The following RALGPS1 variants were observed in gnomAD, a reference collection of about 807,000 sequenced individuals.
RALGPS1 encodes Ral GEF with PH domain and SH3 binding motif 1, also known as ras-specific guanine nucleotide-releasing factor RalGPS1.
A neutral mutation model predicts 78.8 loss-of-function variants in RALGPS1; 19 were observed. That is an observed-to-expected ratio of 0.24 (90% CI 0.17 to 0.35). The LOEUF is 0.35. Ranked by LOEUF, RALGPS1 falls within the 10% of genes least tolerant of loss-of-function variation. The pLI is 1.00. For missense variants in RALGPS1, 454 were observed against 688.3 expected, an observed-to-expected ratio of 0.66 and a Z score of 3.81; for synonymous variants, 228 against 256.3, an observed-to-expected ratio of 0.89 and a Z score of 1.06.
At chr9:127,029,262 C>T (rs62580809) in intron 4 of RALGPS1, among the ~76,000 whole-genome samples, 4,135 of 152,242 alleles carry the variant, frequency 0.027, 50 homozygotes, top group Middle Eastern at 0.044. Flanking sequence ...TGCCTTACTC[C>T]CCAGTCAGAC....
intron 4 of RALGPS1, among the ~76,000 whole-genome samples, chr9:127,014,142 G>T (rs571814152): frequency 1.3e-5 from 2 of 152,164 alleles, no homozygotes; most frequent in African/African-American, 4.8e-5. Flanking sequence ...AGAGCAGCCC[G>T]GGCCTGAGGT....
At chr9:127,207,552 C>T (rs1169684675) in intron 14 of RALGPS1, among the ~76,000 whole-genome samples, 1 of 152,184 alleles carries the variant, frequency 6.6e-6, no homozygotes, top group Non-Finnish European at 1.5e-5. Flanking sequence ...CCTCTGATAC[C>T]ACCACCCAAT....
chr9:126,938,932 C>T (rs1166735450), intron 1 of RALGPS1, among the ~76,000 whole-genome samples: 1 of 152,158 alleles, frequency 6.6e-6, no homozygotes, highest in East Asian at 1.9e-4. Flanking sequence ...AACTAGCCCC[C>T]GTTTTTGCTG....
chr9:127,026,072 A>G (rs1216576556), intron 4 of RALGPS1, among the ~76,000 whole-genome samples: 1 of 152,204 alleles, frequency 6.6e-6, no homozygotes, highest in Non-Finnish European at 1.5e-5. Flanking sequence ...TATATACAAA[A>G]GGGAGTTTAT....
chr9:127,113,141 G>A (rs990356958), intron 8 of RALGPS1, among the ~76,000 whole-genome samples: 4 of 152,164 alleles, frequency 2.6e-5, no homozygotes, highest in African/African-American at 9.7e-5. Flanking sequence ...TGTGCTGGGC[G>A]CCTGACATAC....
intron 8 of RALGPS1, among the ~76,000 whole-genome samples, chr9:127,070,326 T>A (rs2050084749): frequency 6.6e-6 from 1 of 152,242 alleles, no homozygotes. Flanking sequence ...AACCCCTGAT[T>A]TAAGGTATTT....
At position 126,924,619 on chromosome 9, in the gene RALGPS1, C is replaced by T. The variant is rs2130916652; in HGVS notation, c.-66+9644C>T. 2.0e-5 allele frequency among the ~76,000 whole-genome samples: 3 copies of T among 152,306 alleles called. 1 individual carries two copies. In the South Asian group the frequency reaches 6.2e-4, roughly 32 times the overall value. On this transcript the variant is annotated intron_variant, in intron 1 of 18. Coordinates refer to ENST00000259351, the MANE Select transcript of RALGPS1 (RefSeq NM_014636.3). ...AGTAGGAAAGCCCCAGTTTTAATAT[C>T]TGAGATTGTGTTATGAGGCTTAAGT...
chr9:127,004,420 A>G (rs2043641785), intron 4 of RALGPS1, among the ~76,000 whole-genome samples: 1 of 152,264 alleles, frequency 6.6e-6, no homozygotes, highest in Non-Finnish European at 1.5e-5. Context: ...TGTTGGGATT[A>G]TAGGCATGAG....
intron 8 of RALGPS1, among the ~76,000 whole-genome samples, chr9:127,129,807 C>G (rs1340923065): frequency 1.3e-5 from 2 of 152,252 alleles, no homozygotes; most frequent in Non-Finnish European, 2.9e-5. Flanking sequence ...CGCCTTCTCT[C>G]TTCCCTCCCT....
chr9:127,149,121 T>A (rs1284130042), intron 8 of RALGPS1, among the ~76,000 whole-genome samples: 3 of 152,196 alleles, frequency 2.0e-5, no homozygotes. Context: ...CACAAGTCAA[T>A]GGCAGCATCC....
At position 127,221,368 on chromosome 9, in the gene RALGPS1, T is replaced by C. The variant is rs2062769494; in HGVS notation, c.*2599T>C. 6.6e-6 allele frequency: 1 copy of C among 152,242 alleles called. No homozygotes were observed. 9.4% of individuals were successfully genotyped at this position (152,242 alleles called of 1,614,324 possible). On this transcript the variant is annotated 3_prime_UTR_variant, in exon 19 of 19. Transcript: ENST00000259351. The stretch of plus-strand genomic sequence containing the variant: ...TTATTTCTTGCATGCATATGCTGAA[T>C]TTTTTTAAGCAAATGGATCATGGCA...
chr9:127,212,191 G>A lies in RALGPS1; in HGVS notation c.1308G>A (p.Gly436=). The change falls in exon 15 of 19, where the codon GGG becomes GGA. Residue 436 remains glycine, a synonymous_variant. Transcript: ENST00000259351. The surrounding 1 kb of genome is among the most constrained non-coding windows in gnomAD (Gnocchi z 6.0). ...CCGCAGCTGTGCCCACCATGGAGGGGCCTCTGAGAAGAAAAACCCTGCTCA... is the reference window on the plus strand; with the variant it reads ...CCGCAGCTGTGCCCACCATGGAGGGACCTCTGAGAAGAAAAACCCTGCTCA... The part of the protein sequence containing the change: ...GNSAAVPTME[G]PLRRKTLLKE... 1 of 1,613,926 alleles carries A rather than the reference G, an allele frequency of 6.2e-7. No individual in the cohort carries two copies. Among genetic ancestry groups the A allele is most frequent in the African/African-American group, 1.3e-5 (1 of 75,042 alleles).
Position 127,221,682 on chromosome 9 carries a change from A to G in RALGPS1, c.*2913A>G, listed in dbSNP as rs529301737. On this transcript the variant is annotated 3_prime_UTR_variant, in exon 19 of 19. Transcript: ENST00000259351. ...TGGAACCTGAGGAAGTAGATACTTG[A>G]AGAGATTCTGTTTAGGAAGAAACTC... 5.9e-5 allele frequency: 9 copies of G among 152,348 alleles called. No homozygotes were observed. The highest frequency in any genetic ancestry group is 5.9e-5 in the Non-Finnish European group (4 of 68,038). The allele number at this position is 152,348 out of a possible 1,614,324, so 9.4% of individuals were successfully genotyped here.
chr9:127,186,228 C>T (rs2060633762), intron 11 of RALGPS1, among the ~76,000 whole-genome samples: 2 of 152,134 alleles, frequency 1.3e-5, no homozygotes, highest in South Asian at 4.1e-4. Context: ...TCATATGTTC[C>T]AATAAAACTG....
intron 8 of RALGPS1, among the ~76,000 whole-genome samples, chr9:127,114,667 G>T (rs1008912830): frequency 6.6e-6 from 1 of 152,256 alleles, no homozygotes; most frequent in Non-Finnish European, 1.5e-5. Flanking sequence ...CCATTGGTCT[G>T]TGATCACAGA....
intron 11 of RALGPS1, 114 bp from the exon 12 acceptor site, chr9:127,194,977 G>C: frequency 7.8e-7 from 1 of 1,289,174 alleles, no homozygotes; most frequent in Non-Finnish European, 1.1e-6. Flanking sequence ...GTGACAGCTG[G>C]GCCAGTTGCT....
chr9:127,061,044 G>C (rs1035073541), intron 7 of RALGPS1, among the ~76,000 whole-genome samples: 3 of 152,202 alleles, frequency 2.0e-5, no homozygotes, highest in African/African-American at 4.8e-5. Context: ...GTCTGTCCTC[G>C]TGAGTGTTTC....
intron 8 of RALGPS1, among the ~76,000 whole-genome samples, chr9:127,133,933 G>T (rs371583517): frequency 6.6e-6 from 1 of 151,894 alleles, no homozygotes; most frequent in African/African-American, 2.4e-5. Flanking sequence ...GCCCTGCCTG[G>T]TCCCCTGCCC....
chr9:127,143,752 C>T (rs1390167190), intron 8 of RALGPS1, among the ~76,000 whole-genome samples: 1 of 152,150 alleles, frequency 6.6e-6, no homozygotes, highest in Non-Finnish European at 1.5e-5. Context: ...TCAGAGTTAA[C>T]GTTAAGTCAT....
Sources: allele counts gnomAD v4.1 joint callset (sites outside exome capture counted in the v4.1 genomes callset), GRCh38; gene constraint gnomAD v4.1.1; non-coding constraint Gnocchi (gnomAD v3.1); transcripts MANE v1.5; gene names NCBI Gene and HGNC (gene_info 2026-07-23, HGNC 2026-07-21).